The following EXOC6B variants were observed in gnomAD, a reference collection of about 807,000 sequenced individuals.
EXOC6B encodes the protein exocyst complex component 6B.
A neutral mutation model predicts 113.5 loss-of-function variants in EXOC6B; 54 were observed. The ratio of observed to expected loss-of-function variants is 0.48; its 90% CI spans 0.38 to 0.60. The LOEUF is 0.60. Among genes scored for constraint, EXOC6B ranks in the 20% least tolerant of loss-of-function variants. The pLI, the probability that EXOC6B is intolerant of heterozygous loss-of-function variation, is 0.00. For missense variants in EXOC6B, 797 were observed against 977.5 expected (o/e 0.82, Z 2.46); for synonymous variants, 357 against 339.0 (o/e 1.05, Z -0.58).
At position 72,724,691 on chromosome 2, in the gene EXOC6B, A is replaced by G. The variant is rs549610656; in HGVS notation, c.464+6316T>C. Among the ~76,000 whole-genome samples the G allele has an allele frequency of 2.0e-5, 3 of 152,332 alleles. No individual in the cohort carries two copies. In the East Asian group the frequency reaches 5.8e-4, roughly 29 times the overall value. On this transcript the variant is annotated intron_variant, in intron 5 of 21. Coordinates refer to ENST00000272427, the MANE Select transcript of EXOC6B (RefSeq NM_015189.3). Reference sequence around the variant, plus strand: ...ATAAAAACAGCAATTAGAACAATGTACATGTATGTAAAGAAAAACAAATAA... The same window carrying G: ...ATAAAAACAGCAATTAGAACAATGTGCATGTATGTAAAGAAAAACAAATAA...
chr2:72,255,177 G>A (rs1683279117), intron 20 of EXOC6B, among the ~76,000 whole-genome samples: 1 of 152,150 alleles, frequency 6.6e-6, no homozygotes, highest in East Asian at 1.9e-4. Context: ...ATCAATGCAG[G>A]ACCCTTCTGT....
intron 6 of EXOC6B, among the ~76,000 whole-genome samples, chr2:72,578,409 C>G (rs1705006564): frequency 6.6e-6 from 1 of 152,100 alleles, no homozygotes; most frequent in Admixed American, 6.5e-5. Context: ...TTGGATGAGG[C>G]TCTACCTCCT....
At position 72,825,977 on chromosome 2, in the gene EXOC6B, G is replaced by A. The variant is rs1686887330; in HGVS notation, c.-67C>T. The A allele has an allele frequency of 6.3e-7, 1 of 1,575,962 alleles. No homozygotes were observed. Among genetic ancestry groups the A allele is most frequent in the East Asian group, 2.3e-5 (1 of 43,626 alleles). On this transcript the variant is annotated 5_prime_UTR_variant, in exon 1 of 22. Transcript: ENST00000272427. This position sits in a 1 kb window ranked among gnomAD's most constrained non-coding sequence, Gnocchi z 4.4. ...GCTCACCTTTTCCCTGCCCCACAAT[G>A]CCGCTCCCACCACAGGCTCCACAGC... is the stretch of plus-strand genomic sequence containing the variant.
chr2:72,348,701 C>G (rs1377020843), intron 19 of EXOC6B, among the ~76,000 whole-genome samples: 1 of 152,114 alleles, frequency 6.6e-6, no homozygotes, highest in Non-Finnish European at 1.5e-5. Context: ...CAAACTTGAG[C>G]TACAACTGCA....
intron 20 of EXOC6B, among the ~76,000 whole-genome samples, chr2:72,282,183 A>T (rs1366507271): frequency 6.6e-6 from 1 of 152,154 alleles, no homozygotes; most frequent in Non-Finnish European, 1.5e-5. Flanking sequence ...ACAAAAGGGT[A>T]AATAGATGGA....
At chr2:72,697,168 C>T (rs865946737) in intron 6 of EXOC6B, among the ~76,000 whole-genome samples, 1 of 140,774 alleles carries the variant, frequency 7.1e-6, no homozygotes, top group African/African-American at 2.8e-5. Flanking sequence ...TATACACACA[C>T]AAAAATATTT....
chr2:72,230,613 C>T (rs945500739), intron 20 of EXOC6B, among the ~76,000 whole-genome samples: 1 of 152,160 alleles, frequency 6.6e-6, no homozygotes, highest in Non-Finnish European at 1.5e-5. Flanking sequence ...TTTTAAAAAA[C>T]TCTTCTTGTT....
rs1680836797 is a variant in EXOC6B at position 72,734,586 on chromosome 2, G to A, written c.280-1468C>T. On this transcript the variant is annotated intron_variant, in intron 2 of 21. Transcript: ENST00000272427. ...GGAATGCAGCCATAAAGAAAATAAA[G>A]GTAAATGAAAGGTCATGGCTGTGTT... is the stretch of plus-strand genomic sequence containing the variant. Among the ~76,000 whole-genome samples, 2 of 152,098 alleles carry A rather than the reference G, an allele frequency of 1.3e-5. 1 individual carries two copies. Among genetic ancestry groups the A allele is most frequent in the Admixed American group, 1.3e-4 (2 of 15,262 alleles).
intron 6 of EXOC6B, among the ~76,000 whole-genome samples, chr2:72,582,539 A>AT (rs34910450): frequency 0.63 from 93,028 of 148,460 alleles, 34,039 homozygotes; most frequent in East Asian, 0.99. Flanking sequence ...GAAGTACAGA[A>AT]TTTTTTTTTT....
At chr2:72,660,841 G>A (rs1169266789) in intron 6 of EXOC6B, among the ~76,000 whole-genome samples, 7 of 148,730 alleles carry the variant, frequency 4.7e-5, no homozygotes. Flanking sequence ...TTTCCTTCTG[G>A]TATCTCCTAG....
In EXOC6B at chr2:72,176,932, T is replaced by C. The variant is rs1238678970; in HGVS notation, c.*2403A>G. 6.6e-6 allele frequency: 1 copy of C among 152,194 alleles called. No individual in the cohort carries two copies. The highest frequency in any genetic ancestry group is 1.5e-5 in the Non-Finnish European group (1 of 68,042). The allele number at this position is 152,194 out of a possible 1,614,324, so 9.4% of individuals were successfully genotyped here. ...TGCTTTGCACAAGTCCTCTCAAGGG[T>C]TGGCCCAGCTACAGGTTATAGACAA... On this transcript the variant is annotated 3_prime_UTR_variant, in exon 22 of 22. Coordinates refer to ENST00000272427, the MANE Select transcript of EXOC6B (RefSeq NM_015189.3).
At chr2:72,585,897 A>G (rs1292540209) in intron 6 of EXOC6B, among the ~76,000 whole-genome samples, 4 of 152,154 alleles carry the variant, frequency 2.6e-5, no homozygotes, top group Non-Finnish European at 5.9e-5. Flanking sequence ...GTACCAATTC[A>G]ACTGACATAC....
At chr2:72,457,012 GA>G (rs112489084) in intron 18 of EXOC6B, among the ~76,000 whole-genome samples, 5,954 of 140,270 alleles carry the variant, frequency 0.042, 206 homozygotes, top group African/African-American at 0.08. Flanking sequence ...GCATGGGGGG[GA>G]AAAAAAAAAA....
intron 6 of EXOC6B, among the ~76,000 whole-genome samples, chr2:72,639,737 T>C (rs1447061136): frequency 2.0e-5 from 3 of 152,130 alleles, no homozygotes; most frequent in Non-Finnish European, 4.4e-5. Flanking sequence ...GAGTACATAG[T>C]CCAGGAGTTG....
intron 19 of EXOC6B, among the ~76,000 whole-genome samples, chr2:72,359,862 T>C (rs1184053803): frequency 6.6e-6 from 1 of 152,070 alleles, no homozygotes; most frequent in Non-Finnish European, 1.5e-5. Context: ...CTCCCCACAG[T>C]AATGAGTTCA....
intron 1 of EXOC6B, among the ~76,000 whole-genome samples, chr2:72,778,072 G>A (rs1683807250): frequency 6.6e-6 from 1 of 152,076 alleles, no homozygotes; most frequent in African/African-American, 2.4e-5. Context: ...AATGGCAAAA[G>A]TAAGTCATTC....
chr2:72,711,194 A>T (rs950241877), intron 6 of EXOC6B, among the ~76,000 whole-genome samples: 3 of 152,030 alleles, frequency 2.0e-5, no homozygotes, highest in African/African-American at 7.2e-5. Context: ...TTTTTTTTTT[A>T]AATCACTTCA....
intron 18 of EXOC6B, among the ~76,000 whole-genome samples, chr2:72,459,393 T>G (rs897332318): frequency 8.5e-5 from 13 of 152,194 alleles, no homozygotes; most frequent in East Asian, 5.8e-4. Flanking sequence ...GGTATTCAAT[T>G]AGGAAAAGAG....
At chr2:72,276,123 G>A (rs1295157770) in intron 20 of EXOC6B, among the ~76,000 whole-genome samples, 2 of 152,252 alleles carry the variant, frequency 1.3e-5, no homozygotes, top group Middle Eastern at 3.4e-3. Context: ...GAGGGGTTCA[G>A]TGTCAATGGC....
Sources: allele counts gnomAD v4.1 joint callset (sites outside exome capture counted in the v4.1 genomes callset), GRCh38; gene constraint gnomAD v4.1.1; non-coding constraint Gnocchi (gnomAD v3.1); transcripts MANE v1.5; gene names NCBI Gene and HGNC (gene_info 2026-07-23, HGNC 2026-07-21).